The following TENM1 variants were observed in gnomAD, a reference collection of about 807,000 sequenced individuals.
TENM1 encodes teneurin transmembrane protein 1, also known as teneurin-1.
Under a neutral mutation model 174.8 loss-of-function variants are expected in TENM1, and 35 were observed. The observed-to-expected ratio is 0.20, with a 90% CI of 0.15 to 0.27. TENM1 has a LOEUF of 0.27. TENM1 is among the 10% of genes least tolerant of loss of function. The pLI is 1.00. For synonymous variants in TENM1, 781 were observed against 798.7 expected (o/e 0.98, Z 0.37); for missense variants, 1,633 against 2,130.1 (o/e 0.77, Z 4.59).
chrX:125,156,621 A>C, the TENM1 span, among the ~76,000 whole-genome samples: 1 of 112,158 alleles, frequency 8.9e-6, no homozygotes, highest in South Asian at 3.7e-4. Flanking sequence ...AGTATTCAAT[A>C]GTGTATATAT....
At chrX:124,597,768 A>G (rs2049934118) in intron 11 of TENM1, among the ~76,000 whole-genome samples, 1 of 111,774 alleles carries the variant, frequency 8.9e-6, no homozygotes, top group African/African-American at 3.3e-5. Context: ...ACCTCAAACT[A>G]TGAAACTACT....
At chrX:124,986,128 T>C in the TENM1 span, among the ~76,000 whole-genome samples, 2 of 111,951 alleles carry the variant, frequency 1.8e-5, no homozygotes, top group Admixed American at 1.9e-4. Flanking sequence ...AATTATTTCA[T>C]ATTCTATTTT....
the TENM1 span, among the ~76,000 whole-genome samples, chrX:125,015,051 C>G: frequency 9.0e-6 from 1 of 110,576 alleles, no homozygotes; most frequent in Admixed American, 9.7e-5. Flanking sequence ...AGCAACTGGC[C>G]CACAATAATG....
intron 11 of TENM1, among the ~76,000 whole-genome samples, chrX:124,574,599 C>T (rs1434920662): frequency 3.6e-5 from 4 of 110,951 alleles, no homozygotes; most frequent in Non-Finnish European, 7.6e-5. Context: ...CAGGGAAGAA[C>T]AGAGAATGAA....
chrX:124,742,982 T>A (rs1294120673), intron 3 of TENM1, among the ~76,000 whole-genome samples: 1 of 111,528 alleles, frequency 9.0e-6, no homozygotes, highest in African/African-American at 3.3e-5. Flanking sequence ...AAAGAGAAGA[T>A]ATTTTCTTAT....
chrX:124,972,512 A>T, the TENM1 span, among the ~76,000 whole-genome samples: 85 of 112,052 alleles, frequency 7.6e-4, no homozygotes, highest in African/African-American at 2.5e-3. Context: ...TCATTTAGTT[A>T]GTCAGAAAAT....
rs368293881 is a variant in TENM1 at position 124,853,479 on chromosome X, A to G, written c.535+40817T>C. Among the ~76,000 whole-genome samples the G allele has an allele frequency of 5.4e-4, 60 of 111,409 alleles. No homozygotes were observed. The South Asian group carries it at 7.6e-3, about 14-fold the overall frequency. ...CAAAAACACAGAATGAGAGTTGACA[A>G]TGAAAAGGGGAAAGGACATTTCTTA... On this transcript the variant is annotated intron_variant, in intron 3 of 31. Transcript: ENST00000422452.
chrX:125,143,253 C>T, the TENM1 span, among the ~76,000 whole-genome samples: 1 of 111,570 alleles, frequency 9.0e-6, no homozygotes, highest in Non-Finnish European at 1.9e-5. Context: ...CTCCACTATA[C>T]ACAGTTTTCC....
chrX:124,491,038 A>G (rs746335919), intron 20 of TENM1, among the ~76,000 whole-genome samples: 1 of 112,299 alleles, frequency 8.9e-6, no homozygotes, highest in East Asian at 2.8e-4. Context: ...TCAGGAACCT[A>G]TGACAGCTCT....
At chrX:124,706,865 A>T (rs1186852726) in intron 4 of TENM1, among the ~76,000 whole-genome samples, 1 of 111,307 alleles carries the variant, frequency 9.0e-6, no homozygotes. Context: ...GAGGTTAAAC[A>T]ACTTGCCCAA....
intron 3 of TENM1, among the ~76,000 whole-genome samples, chrX:124,810,040 C>T (rs916149153): frequency 9.0e-6 from 1 of 111,031 alleles, no homozygotes; most frequent in African/African-American, 3.3e-5. Context: ...TGGGTGGGGA[C>T]ACACAGCCAA....
the TENM1 span, among the ~76,000 whole-genome samples, chrX:125,021,255 C>A: frequency 9.5e-6 from 1 of 105,801 alleles, no homozygotes. Flanking sequence ...CTTAACAGGT[C>A]ATTGGTGCAA....
chrX:124,659,899 T>C (rs2051547741), intron 6 of TENM1, among the ~76,000 whole-genome samples: 1 of 111,288 alleles, frequency 9.0e-6, no homozygotes, highest in Non-Finnish European at 1.9e-5. Flanking sequence ...TTTCAACAAA[T>C]GATACTGGAA....
At chrX:124,820,447 T>C (rs1034073282) in intron 3 of TENM1, among the ~76,000 whole-genome samples, 1 of 111,498 alleles carries the variant, frequency 9.0e-6, no homozygotes, top group Non-Finnish European at 1.9e-5. Flanking sequence ...GGATTTTTAG[T>C]GAGCAAGTGG....
chrX:124,864,796 A>G (rs1005620950), intron 3 of TENM1, among the ~76,000 whole-genome samples: 1 of 110,493 alleles, frequency 9.1e-6, no homozygotes, highest in South Asian at 3.9e-4. Context: ...AAAGAAGACT[A>G]TTTCAAGGCA....
chrX:125,111,595 T>C, the TENM1 span, among the ~76,000 whole-genome samples: 1 of 111,837 alleles, frequency 8.9e-6, no homozygotes, highest in Non-Finnish European at 1.9e-5. Context: ...TACTTTATCC[T>C]TATATTAACA....
At chrX:124,858,001 C>T (rs2056844910) in intron 3 of TENM1, among the ~76,000 whole-genome samples, 1 of 111,687 alleles carries the variant, frequency 9.0e-6, no homozygotes, top group African/African-American at 3.2e-5. Context: ...TTTCTTTGTG[C>T]TTCTAATGCA....
chrX:125,166,331 A>C, the TENM1 span, among the ~76,000 whole-genome samples: 1 of 111,347 alleles, frequency 9.0e-6, no homozygotes, highest in African/African-American at 3.3e-5. Context: ...TTTTCTATAA[A>C]GTTTTTCTAT....
chrX:124,793,260 T>TAC (rs886955205), intron 3 of TENM1, among the ~76,000 whole-genome samples: 5 of 111,710 alleles, frequency 4.5e-5, no homozygotes, highest in Non-Finnish European at 5.7e-5. Flanking sequence ...CAGTAAATAC[T>TAC]ACTCTGGTAA....
Sources: allele counts gnomAD v4.1 joint callset (sites outside exome capture counted in the v4.1 genomes callset), GRCh38; gene constraint gnomAD v4.1.1; transcripts MANE v1.5; gene names NCBI Gene and HGNC (gene_info 2026-07-23, HGNC 2026-07-21).